The following ADAMTS17 variants were observed in gnomAD, a reference collection of about 807,000 sequenced individuals.
The protein encoded by ADAMTS17 is ADAM metallopeptidase with thrombospondin type 1 motif 17.
Under a neutral mutation model 141.5 loss-of-function variants are expected in ADAMTS17, and 113 were observed. That is an observed-to-expected ratio of 0.80 (90% CI 0.69 to 0.93). The LOEUF is 0.93. Among genes scored for constraint, ADAMTS17 ranks in the 40% least tolerant of loss-of-function variants. The pLI, the probability that ADAMTS17 is intolerant of heterozygous loss-of-function variation, is 0.00. For missense variants in ADAMTS17, 1,659 were observed against 1,517.9 expected (o/e 1.09, Z -1.54); for synonymous variants, 768 against 630.6 (o/e 1.22, Z -3.27).
At chr15:100,137,751 C>T (rs1200605176) in intron 10 of ADAMTS17, among the ~76,000 whole-genome samples, 1 of 152,214 alleles carries the variant, frequency 6.6e-6, no homozygotes, top group African/African-American at 2.4e-5. Context: ...GTGTGATGAG[C>T]ACATGCAAGG....
At chr15:100,074,344 G>C (rs1463779363) in intron 15 of ADAMTS17, among the ~76,000 whole-genome samples, 1 of 152,028 alleles carries the variant, frequency 6.6e-6, no homozygotes, top group East Asian at 1.9e-4. Context: ...TATATAGAGT[G>C]TATAATAACA....
chr15:100,241,784 AG>A (rs1596344155), intron 7 of ADAMTS17, among the ~76,000 whole-genome samples: 1 of 152,318 alleles, frequency 6.6e-6, no homozygotes, highest in East Asian at 1.9e-4. Flanking sequence ...ACCATGACTC[AG>A]CCCTTTTCTA....
At position 100,053,939 on chromosome 15, in the gene ADAMTS17, C is replaced by T; in HGVS notation, c.2253G>A (p.Lys751=). 1 of 1,614,206 alleles carries T rather than the reference C, an allele frequency of 6.2e-7. No individual in the cohort carries two copies. ...VRYVRRGLWE[K]ISAKGPTKLP... is the part of the protein sequence containing the mutation. ...GTTTGGTTGGTCCCTTGGCAGAGAT[C>T]TTCTCCCACAGCCCCCTTCTCACAT... The change falls in exon 16 of 22, where the codon AAG becomes AAA. Residue 751 remains lysine (K), a synonymous_variant. Transcript: ENST00000268070.
chr15:100,060,625 C>A (rs2033044579), intron 15 of ADAMTS17, among the ~76,000 whole-genome samples: 1 of 152,238 alleles, frequency 6.6e-6, no homozygotes, highest in African/African-American at 2.4e-5. Context: ...TCCGTCCTAG[C>A]TTCACTGGAA....
chr15:100,246,551 T>G (rs996035826), intron 7 of ADAMTS17, among the ~76,000 whole-genome samples: 1 of 152,182 alleles, frequency 6.6e-6, no homozygotes, highest in Non-Finnish European at 1.5e-5. Context: ...AATTAAGCCT[T>G]CCCCTTTGTA....
intron 18 of ADAMTS17, among the ~76,000 whole-genome samples, chr15:100,013,033 C>G (rs1404085909): frequency 6.6e-6 from 1 of 152,090 alleles, no homozygotes; most frequent in Non-Finnish European, 1.5e-5. Flanking sequence ...GATGTGTTTC[C>G]ATTTGTTTGT....
intron 7 of ADAMTS17, among the ~76,000 whole-genome samples, chr15:100,230,990 TTTCCACCTGGTGCTGAGAACTCTG>T (rs1446556116): frequency 6.6e-6 from 1 of 152,206 alleles, no homozygotes; most frequent in Non-Finnish European, 1.5e-5. Context: ...GCAGCCACCC[TTTCCACCTGGTGCTGAGAACTCTG>T]TTGGCACCAA....
intron 15 of ADAMTS17, among the ~76,000 whole-genome samples, chr15:100,077,461 C>CAAAAAAAAAAAAAAAAA (rs61464362): frequency 1.4e-5 from 2 of 139,334 alleles, no homozygotes; most frequent in African/African-American, 5.5e-5. Flanking sequence ...GACTCCCTCT[C>CAAAAAAAAAAAAAAAAA]AAAAAAAAAA....
intron 7 of ADAMTS17, among the ~76,000 whole-genome samples, chr15:100,243,101 T>G (rs1459834714): frequency 6.6e-6 from 1 of 152,264 alleles, no homozygotes. Flanking sequence ...GTGACTGGCT[T>G]ATTTCATTCG....
intron 7 of ADAMTS17, among the ~76,000 whole-genome samples, chr15:100,251,158 G>A (rs2043140872): frequency 6.6e-6 from 1 of 152,170 alleles, no homozygotes; most frequent in Non-Finnish European, 1.5e-5. Flanking sequence ...CACGTACTGG[G>A]GATCAGGAGA....
chr15:100,267,525 A>C (rs918380927), intron 4 of ADAMTS17, among the ~76,000 whole-genome samples: 1 of 152,210 alleles, frequency 6.6e-6, no homozygotes, highest in African/African-American at 2.4e-5. Flanking sequence ...ATATATATTT[A>C]TAATGTCAAC....
Position 100,341,920 on chromosome 15 carries a change from C to A in ADAMTS17, c.-21G>T, listed in dbSNP as rs1275460838. The stretch of plus-strand genomic sequence containing the variant: ...CACATGGTACCCGGGACCGGCAGCC[C>A]CCCCGGACCGTGGCGGCGAAGCAGG... On this transcript the variant is annotated 5_prime_UTR_variant, in exon 1 of 22. Transcript: ENST00000268070. 10 of 1,548,894 alleles carry A rather than the reference C, an allele frequency of 6.5e-6. No individual in the cohort carries two copies. The East Asian group carries it at 1.5e-4, about 23-fold the overall frequency.
At chr15:100,133,099 C>T (rs2038138191) in intron 11 of ADAMTS17, 115 bp downstream of exon 11, 1 of 1,028,884 alleles carries the variant, frequency 9.7e-7, no homozygotes, top group Admixed American at 2.1e-5. Flanking sequence ...TCTGTGCCGC[C>T]TGGGGGATGT....
chr15:100,153,862 G>A (rs2039306040), intron 9 of ADAMTS17, among the ~76,000 whole-genome samples: 1 of 152,084 alleles, frequency 6.6e-6, no homozygotes, highest in African/African-American at 2.4e-5. Flanking sequence ...CTTGTCACCA[G>A]TGCTGTGTAC....
chr15:100,069,065 A>G (rs889113317), intron 15 of ADAMTS17, among the ~76,000 whole-genome samples: 1 of 152,260 alleles, frequency 6.6e-6, no homozygotes, highest in Non-Finnish European at 1.5e-5. Context: ...GAGGGAGCTG[A>G]AAACCAAGCC....
intron 8 of ADAMTS17, among the ~76,000 whole-genome samples, chr15:100,167,240 G>A (rs571255525): frequency 1.3e-5 from 2 of 152,168 alleles, no homozygotes; most frequent in Admixed American, 6.5e-5. Flanking sequence ...GCATATCTTT[G>A]CCCACAAATT....
chr15:100,154,547 T>C (rs2039341002), intron 9 of ADAMTS17, among the ~76,000 whole-genome samples: 1 of 152,152 alleles, frequency 6.6e-6, no homozygotes, highest in Admixed American at 6.5e-5. Context: ...GACCAGGGCC[T>C]GCACAGTCAC....
intron 18 of ADAMTS17, among the ~76,000 whole-genome samples, chr15:100,004,617 C>CTTTTT (rs10591279): frequency 1.3e-4 from 15 of 116,218 alleles, no homozygotes; most frequent in Admixed American, 1.8e-4. Flanking sequence ...TACTGTAATT[C>CTTTTT]TTTTTTTTTT....
chr15:100,190,361 G>A (rs575016446), intron 8 of ADAMTS17, among the ~76,000 whole-genome samples: 11 of 152,262 alleles, frequency 7.2e-5, no homozygotes, highest in Admixed American at 2.0e-4. Context: ...TACCACCTTC[G>A]CACAAAGTGA....
Sources: allele counts gnomAD v4.1 joint callset (sites outside exome capture counted in the v4.1 genomes callset), GRCh38; gene constraint gnomAD v4.1.1; transcripts MANE v1.5; gene names NCBI Gene and HGNC (gene_info 2026-07-23, HGNC 2026-07-21).